HSPA8: variants seen among roughly 807,000 people sequenced by gnomAD.
The protein encoded by HSPA8 is heat shock cognate 71 kDa protein.
HSPA8 carries 2 observed loss-of-function variants against 52.8 expected under a neutral mutation model. The observed-to-expected ratio is 0.04, with a 90% confidence interval of 0.02 to 0.12. HSPA8 has a LOEUF of 0.12. Ranked by LOEUF, HSPA8 falls within the 10% of genes least tolerant of loss-of-function variation. HSPA8 has a pLI of 1.00. For synonymous variants in HSPA8, 436 were observed against 274.0 expected (o/e 1.59, Z -5.84); for missense variants, 349 against 800.5 (o/e 0.44, Z 6.81).
At position 123,057,653 on chromosome 11, in the gene HSPA8, C is replaced by A; in HGVS notation, c.*81G>T. 1 of 1,179,010 alleles carries A rather than the reference C, an allele frequency of 8.5e-7. No homozygotes were observed. Among genetic ancestry groups the A allele is most frequent in the African/African-American group, 1.5e-5 (1 of 64,666 alleles). The allele number at this position is 1,179,010 out of a possible 1,614,324, so 73.0% of individuals were successfully genotyped here. On this transcript the variant is annotated 3_prime_UTR_variant, in exon 9 of 9. Coordinates refer to ENST00000534624, the MANE Select transcript of HSPA8 (RefSeq NM_006597.6). ...ACTATAGCAGCTTAACTTTTTAAAA[C>A]TGCCACAGAATTTGCTACGAATTTA...
rs145779755 is a variant in HSPA8 at position 123,060,194 on chromosome 11, T to G, written c.486A>C (p.Gly162=). The G allele has an allele frequency of 1.9e-6, 3 of 1,613,906 alleles. No individual in the cohort carries two copies. Among genetic ancestry groups the G allele is most frequent in the East Asian group, 2.2e-5 (1 of 44,896 alleles). ...TAAGTACATTGAGACCAGCAATAGT[T>G]CCAGCATCTTTGGTAGCCTGACGCT... ...DSQRQATKDA[G]TIAGLNVLRI... is the part of the protein sequence containing the mutation. Residue 162 remains glycine, a synonymous_variant, in exon 4 of 9, where the codon GGA becomes GGC. Coordinates refer to ENST00000534624, the MANE Select transcript of HSPA8 (RefSeq NM_006597.6).
Position 123,059,972 on chromosome 11 carries a change from C to T in HSPA8, c.621G>A (p.Val207=), listed in dbSNP as rs1222737350. 1 of 1,614,008 alleles carries T rather than the reference C, an allele frequency of 6.2e-7. No homozygotes were observed. Among genetic ancestry groups the T allele is most frequent in the Admixed American group, 1.7e-5 (1 of 60,002 alleles). ...TTCCATCCTCAATAGTGAGGATTGACACATCAAAAGTGCCACCTCCCAGGT... is the reference window on the plus strand; with the variant it reads ...TTCCATCCTCAATAGTGAGGATTGATACATCAAAAGTGCCACCTCCCAGGT... ...IFDLGGGTFD[V]SILTIEDGIF... The change falls in exon 5 of 9, where the codon GTG becomes GTA. Residue 207 remains valine (V), a synonymous_variant. Coordinates refer to ENST00000534624, the MANE Select transcript of HSPA8 (RefSeq NM_006597.6).
At chr11:123,059,419 G>GCGAGT (rs140240298) in intron 5 of HSPA8, 54 bp downstream of exon 5, 34,004 of 1,481,986 alleles carry the variant, frequency 0.023, 1,005 homozygotes, top group East Asian at 0.17. Flanking sequence ...ACTCATCACA[G>GCGAGT]CGAGTCACCT....
chr11:123,061,043 CCCT>C (rs1428424815), intron 2 of HSPA8, 74 bp downstream of exon 2: 7 of 1,285,882 alleles, frequency 5.4e-6, no homozygotes, highest in Non-Finnish European at 7.8e-6. Flanking sequence ...TCAAAAAGTT[CCCT>C]CCTCACGTTT....
In HSPA8 at chr11:123,059,719, C is replaced by T. The variant is rs1313762341; in HGVS notation, c.874G>A (p.Asp292Asn). The T allele has an allele frequency of 1.2e-6, 2 of 1,613,824 alleles. No homozygotes were observed. Among genetic ancestry groups the T allele is most frequent in the East Asian group, 2.2e-5 (1 of 44,874 alleles). ...IEIDSLYEGI[D>N]FYTSITRARF... ...GCACGGGTAATGGAGGTATAGAAGTCGATTCCTTCATAGAGAGAATCGATC... is the reference window on the plus strand; with the variant it reads ...GCACGGGTAATGGAGGTATAGAAGTTGATTCCTTCATAGAGAGAATCGATC... Residue 292 changes from aspartate to asparagine, a missense_variant, in exon 5 of 9, where the codon GAC (aspartate) becomes AAC (asparagine). Asp to Asn is a conservative substitution (Grantham distance 23, BLOSUM62 1). Transcript: ENST00000534624.
At position 123,059,469 on chromosome 11, in the gene HSPA8, T is replaced by TGAGA; in HGVS notation, c.1120+3_1120+4insTCTC. 2.5e-6 allele frequency: 4 copies of TGAGA among 1,610,152 alleles called. No individual in the cohort carries two copies. Among genetic ancestry groups the TGAGA allele is most frequent in the Non-Finnish European group, 3.4e-6 (4 of 1,177,830 alleles). On this transcript the variant is annotated splice_donor_region_variant and intron_variant, in intron 5 of 8. Coordinates refer to ENST00000534624, the MANE Select transcript of HSPA8 (RefSeq NM_006597.6). ...TTTAGGGTTAATTGAGATACCATTGTTACCTGCACCATAAGCAACAGCTTC... is the reference window on the plus strand; with the variant it reads ...TTTAGGGTTAATTGAGATACCATTGTGAGATACCTGCACCATAAGCAACAGCTTC...
intron 2 of HSPA8, 69 bp downstream of exon 2, chr11:123,061,051 A>G: frequency 7.3e-7 from 1 of 1,367,610 alleles, no homozygotes. Flanking sequence ...TTCCCTCCTC[A>G]CGTTTCATAA....
At chr11:123,062,191 AG>A (rs1232599581), upstream of HSPA8, 1 of 152,556 alleles carries the variant, frequency 6.6e-6, no homozygotes, top group Admixed American at 6.5e-5. Context: ...ACCTTCCAGA[AG>A]GGGCCCGCCC....
In HSPA8 at chr11:123,059,257, G is replaced by T. The variant is rs775435579; in HGVS notation, c.1125C>A (p.Val375=). Residue 375 remains valine (V), a synonymous_variant, in exon 6 of 9, where the codon GTC becomes GTA. Coordinates refer to ENST00000534624, the MANE Select transcript of HSPA8 (RefSeq NM_006597.6). ...PDEAVAYGAA[V]QAAILSGDKS... is the part of the protein sequence containing the mutation. ...TGTCTCCAGACAAGATGGCTGCCTG[G>T]ACAGCTAGCAAACAAAAAGTTAACG... is the stretch of plus-strand genomic sequence containing the variant. 9 of 1,612,006 alleles carry T rather than the reference G, an allele frequency of 5.6e-6. No homozygotes were observed. The African/African-American group carries it at 1.2e-4, about 22-fold the overall frequency.
intron 1 of HSPA8, chr11:123,061,689 C>A (rs1317146252): frequency 6.5e-6 from 2 of 307,830 alleles, no homozygotes; most frequent in African/African-American, 2.2e-5. Flanking sequence ...ATACTGGAAG[C>A]ACGCCAAGAA....
chr11:123,059,807 G>A lies in HSPA8; in HGVS notation c.786C>T (p.Arg262=), dbSNP rs1450048784. 5.6e-6 allele frequency: 9 copies of A among 1,613,646 alleles called. No homozygotes were observed. Among genetic ancestry groups the A allele is most frequent in the South Asian group, 1.1e-5 (1 of 91,062 alleles). Reference sequence around the variant, plus strand: ...TAGCACGTTCACAAGCAGTACGGAGGCGTCTTACAGCTCTCTTGTTCTCAC... The same window carrying A: ...TAGCACGTTCACAAGCAGTACGGAGACGTCTTACAGCTCTCTTGTTCTCAC... ...DISENKRAVR[R]LRTACERAKR... is the part of the protein sequence containing the mutation. Residue 262 remains arginine (R), a synonymous_variant, in exon 5 of 9, where the codon CGC becomes CGT. Coordinates refer to ENST00000534624, the MANE Select transcript of HSPA8 (RefSeq NM_006597.6).
chr11:123,059,619 T>C lies in HSPA8; in HGVS notation c.974A>G (p.Lys325Arg). Residue 325 changes from lysine to arginine, a missense_variant, in exon 5 of 9, where the codon AAA becomes AGA. Physicochemically the swap from Lys to Arg is conservative, Grantham distance 26 (BLOSUM62 2). Transcript: ENST00000534624. ...ATCATGAATCTGTGACTTGTCTAGT[T>C]TGGCATCTCGAAGGGCTTTCTCTAC... Reference protein sequence around the residue: ...DPVEKALRDAKLDKSQIHDIV... With the variant: ...DPVEKALRDARLDKSQIHDIV... 1.2e-6 allele frequency: 2 copies of C among 1,614,190 alleles called. No homozygotes were observed. The highest frequency in any genetic ancestry group is 1.7e-6 in the Non-Finnish European group (2 of 1,180,036).
At position 123,060,713 on chromosome 11, in the gene HSPA8, A is replaced by G; in HGVS notation, c.291T>C (p.Asp97=). ...MKHWPFMVVN[D]AGRPKVQVEY... ...CTACTTGGACCTTGGGCCTGCCAGC[A>G]TCATTCACCACCATAAAGGGCCAAT... Residue 97 remains aspartate, a synonymous_variant, in exon 3 of 9, where the codon GAT becomes GAC. Transcript: ENST00000534624. 6.2e-7 allele frequency: 1 copy of G among 1,613,968 alleles called. No individual in the cohort carries two copies. The highest frequency in any genetic ancestry group is 8.5e-7 in the Non-Finnish European group (1 of 1,179,940).
rs1005371957 is a variant in HSPA8 at position 123,062,048 on chromosome 11, TGAGCA to T, written c.-6+11_-6+15del. 67 of 152,688 alleles carry T rather than the reference TGAGCA, an allele frequency of 4.4e-4. No individual in the cohort carries two copies. The highest frequency in any genetic ancestry group is 1.6e-3 in the African/African-American group (65 of 41,544). 9.5% of individuals were successfully genotyped at this position (152,688 alleles called of 1,614,324 possible). On this transcript the variant is annotated intron_variant, in intron 1 of 8. Coordinates refer to ENST00000534624, the MANE Select transcript of HSPA8 (RefSeq NM_006597.6). ...GCTCCCAGACCCACAACCCAACTCT[TGAGCA>T]GAGGTTTTACCTGGGGTGTAGGCCT...
chr11:123,057,990 T>C (rs879711854), intron 8 of HSPA8, 71 bp from the exon 9 acceptor site: 13 of 1,251,134 alleles, frequency 1.0e-5, no homozygotes, highest in Non-Finnish European at 1.5e-5. Context: ...CCTGACGCAA[T>C]CTGATACTAA....
chr11:123,057,863 G>A lies in HSPA8; in HGVS notation c.1812C>T (p.Asn604=), dbSNP rs370796977. ...TCTGGTACAGCTTGGTGATGATGGG[G>A]TTGCAAACTTTCTCCAGCTCTTTCT... is the stretch of plus-strand genomic sequence containing the variant. ...HQQKELEKVC[N]PIITKLYQSA... Residue 604 remains asparagine (N), a synonymous_variant, in exon 9 of 9, where the codon AAC becomes AAT. Transcript: ENST00000534624. The A allele has an allele frequency of 1.3e-4, 207 of 1,612,868 alleles. No homozygotes were observed. The highest frequency in any genetic ancestry group is 1.7e-4 in the Non-Finnish European group (196 of 1,179,556).
intron 2 of HSPA8, 120 bp from the exon 3 acceptor site, chr11:123,060,918 T>C (rs1865478887): frequency 3.1e-6 from 3 of 962,990 alleles, no homozygotes; most frequent in Non-Finnish European, 4.8e-6. Context: ...ACCATATAGG[T>C]AGCAAAGGTT....
intron 3 of HSPA8, 30 bp from the exon 4 acceptor site, chr11:123,060,298 T>A (rs1371223307): frequency 3.7e-6 from 6 of 1,604,602 alleles, no homozygotes; most frequent in Non-Finnish European, 5.1e-6. Context: ...CACAGATTGG[T>A]AACTATTATA....
Position 123,059,720 on chromosome 11 carries a change from G to C in HSPA8, c.873C>G (p.Ile291Met). 6.2e-7 allele frequency: 1 copy of C among 1,613,874 alleles called. No homozygotes were observed. The highest frequency in any genetic ancestry group is 8.5e-7 in the Non-Finnish European group (1 of 1,179,838). Residue 291 changes from isoleucine (I) to methionine (M), a missense_variant, in exon 5 of 9, where the codon ATC becomes ATG. Transcript: ENST00000534624. ...SIEIDSLYEG[I>M]DFYTSITRAR... Reference sequence around the variant, plus strand: ...CACGGGTAATGGAGGTATAGAAGTCGATTCCTTCATAGAGAGAATCGATCT... The same window carrying C: ...CACGGGTAATGGAGGTATAGAAGTCCATTCCTTCATAGAGAGAATCGATCT...
Sources: gnomAD v4.1 joint callset for allele counts on GRCh38, gnomAD v4.1.1 for gene constraint, MANE v1.5 for transcripts, NCBI Gene and HGNC (gene_info 2026-07-23, HGNC 2026-07-21) for gene names.